The following ABR variants were observed in gnomAD, a reference collection of about 807,000 sequenced individuals.
ABR encodes ABR activator of RhoGEF and GTPase, also known as active breakpoint cluster region-related protein.
ABR carries 35 observed loss-of-function variants against 107.2 expected under a neutral mutation model. The observed-to-expected ratio is 0.33, with a 90% CI of 0.25 to 0.43. The LOEUF is 0.43. ABR is among the 20% of genes least tolerant of loss of function. The probability of loss-of-function intolerance (pLI) is 1.00; values close to 1 mark genes in which losing one functional copy is unlikely to be tolerated. For missense variants in ABR, 815 were observed against 1,115.2 expected, an observed-to-expected ratio of 0.73 and a Z score of 3.83; for synonymous variants, 498 against 462.0, an observed-to-expected ratio of 1.08 and a Z score of -1.00.
At chr17:1,228,068 G>A (rs73281141) in intron 1 of ABR, 16,837 of 152,138 alleles carry the variant, frequency 0.11, 1,144 homozygotes, top group Middle Eastern at 0.19. Context: ...TCTGAGCTTC[G>A]GTTTCCTCTT....
At chr17:1,067,561 C>T (rs909484762) in intron 9 of ABR, among the ~76,000 whole-genome samples, 5 of 152,222 alleles carry the variant, frequency 3.3e-5, no homozygotes, top group African/African-American at 4.8e-5. Flanking sequence ...GCTGGGCTCA[C>T]ATTTTCCTAT....
chr17:1,102,614 CCTGGGCCGTATGGCCGCAGG>C (rs1242813110), intron 2 of ABR, among the ~76,000 whole-genome samples: 1 of 152,238 alleles, frequency 6.6e-6, no homozygotes, highest in Non-Finnish European at 1.5e-5. Flanking sequence ...TCAAAGCAGT[CCTGGGCCGTATGGCCGCAGG>C]CTGGAAAAGC....
chr17:1,160,992 G>T (rs1366164839), intron 1 of ABR, among the ~76,000 whole-genome samples: 2 of 152,128 alleles, frequency 1.3e-5, no homozygotes, highest in Admixed American at 1.3e-4. Flanking sequence ...GAGGGAAGCG[G>T]GCAGGTGTCG....
At chr17:1,016,625 A>G (rs1463872181) in intron 16 of ABR, among the ~76,000 whole-genome samples, 2 of 151,776 alleles carry the variant, frequency 1.3e-5, no homozygotes, top group Admixed American at 6.6e-5. Context: ...CCCTACCCCA[A>G]CATTTCTAAA....
intron 2 of ABR, among the ~76,000 whole-genome samples, chr17:1,103,253 C>A (rs1049033841): frequency 6.6e-6 from 1 of 151,974 alleles, no homozygotes; most frequent in Non-Finnish European, 1.5e-5. Flanking sequence ...CACCGAGAGT[C>A]GGGACTGCCA....
intron 1 of ABR, among the ~76,000 whole-genome samples, chr17:1,138,670 G>C (rs970683972): frequency 2.6e-5 from 4 of 152,060 alleles, no homozygotes; most frequent in African/African-American, 9.7e-5. Context: ...GTAGACACAG[G>C]GTCTTGCTAT....
intron 1 of ABR, among the ~76,000 whole-genome samples, chr17:1,141,764 C>CT (rs11330072): frequency 0.16 from 23,099 of 146,210 alleles, 2,037 homozygotes; most frequent in African/African-American, 0.25. Flanking sequence ...GACTTAAATT[C>CT]TTTTTTTTTT....
rs960620464 is a variant in ABR, at chr17:1,157,542, C to T, written c.61+22125G>A. On this transcript the variant is annotated intron_variant, in intron 1 of 22. Transcript: ENST00000302538. The surrounding 1 kb of genome is among the most constrained non-coding windows in gnomAD (Gnocchi z 4.7). ...CTGGGATTACAGGCGTGAGCCACCG[C>T]GCCCGACCTCAGTGCACACAGTTCT... 4.6e-5 allele frequency among the ~76,000 whole-genome samples: 7 copies of T among 152,208 alleles called. No individual in the cohort carries two copies. The highest frequency in any genetic ancestry group is 7.3e-5 in the Non-Finnish European group (5 of 68,036).
chr17:1,018,842 A>T (rs1034789128), intron 16 of ABR, among the ~76,000 whole-genome samples: 12 of 152,332 alleles, frequency 7.9e-5, no homozygotes, highest in Admixed American at 7.8e-4. Context: ...TCATGATAGC[A>T]GACATATGCG....
chr17:1,081,738 G>A (rs111985490), intron 5 of ABR, among the ~76,000 whole-genome samples: 9,971 of 152,176 alleles, frequency 0.066, 469 homozygotes, highest in Admixed American at 0.1. Flanking sequence ...CACCACGCCC[G>A]GCTAATTTTT....
chr17:1,083,930 G>A (rs965124818), intron 4 of ABR, among the ~76,000 whole-genome samples: 1 of 152,302 alleles, frequency 6.6e-6, no homozygotes, highest in Admixed American at 6.5e-5. Flanking sequence ...GCTTTCCTCA[G>A]CACGGTGAAG....
chr17:1,153,065 T>C (rs2040865128), intron 1 of ABR, among the ~76,000 whole-genome samples: 1 of 151,708 alleles, frequency 6.6e-6, no homozygotes. Context: ...AGAGTGAAAC[T>C]CCGTTAAAAA....
At chr17:1,057,697 G>A in intron 12 of ABR, 1 of 424,700 alleles carries the variant, frequency 2.4e-6, no homozygotes, top group South Asian at 2.2e-5. Context: ...CTGTGTGTGT[G>A]TGTGTGAGAG....
intron 1 of ABR, among the ~76,000 whole-genome samples, chr17:1,160,916 C>T (rs1021349284): frequency 3.3e-5 from 5 of 152,234 alleles, no homozygotes; most frequent in African/African-American, 9.6e-5. Flanking sequence ...GTGGAGGCAA[C>T]GTCACTCCAT....
At chr17:1,151,136 G>A (rs995852392) in intron 1 of ABR, among the ~76,000 whole-genome samples, 2 of 152,134 alleles carry the variant, frequency 1.3e-5, no homozygotes, top group Non-Finnish European at 2.9e-5. Flanking sequence ...TGGAGTAACA[G>A]TAGCACCCAA....
chr17:1,076,718 G>T (rs1567710845), intron 6 of ABR, among the ~76,000 whole-genome samples: 1 of 112,846 alleles, frequency 8.9e-6, no homozygotes, highest in African/African-American at 4.1e-5. Flanking sequence ...GGTGCACGGG[G>T]GGGGTGGGGG....
At chr17:1,031,259 T>C (rs2072712670) in intron 16 of ABR, among the ~76,000 whole-genome samples, 1 of 152,136 alleles carries the variant, frequency 6.6e-6, no homozygotes, top group South Asian at 2.1e-4. Flanking sequence ...AGGTAGAGGC[T>C]GAACAGGGCG....
At chr17:1,034,856 C>A (rs1555541563) in intron 16 of ABR, among the ~76,000 whole-genome samples, 2 of 152,122 alleles carry the variant, frequency 1.3e-5, no homozygotes, top group Non-Finnish European at 2.9e-5. Context: ...CCCTCCCTGC[C>A]GCCGGGTGTG....
At chr17:1,124,161 G>T (rs980448342) in intron 2 of ABR, among the ~76,000 whole-genome samples, 1 of 152,182 alleles carries the variant, frequency 6.6e-6, no homozygotes, top group East Asian at 1.9e-4. Context: ...TCTGTGGGGG[G>T]TGGAGGGTGG....
Sources: gnomAD v4.1 joint callset for allele counts (sites outside exome capture counted in the v4.1 genomes callset) on GRCh38, gnomAD v4.1.1 for gene constraint, Gnocchi (gnomAD v3.1) non-coding constraint, MANE v1.5 for transcripts, NCBI Gene and HGNC (gene_info 2026-07-23, HGNC 2026-07-21) for gene names.